The following LRBA variants were observed in gnomAD, a reference collection of about 807,000 sequenced individuals.
LRBA encodes lipopolysaccharide-responsive and beige-like anchor protein.
LRBA carries 176 observed loss-of-function variants against 330.0 expected under a neutral mutation model. The ratio of observed to expected loss-of-function variants is 0.53; its 90% CI spans 0.47 to 0.60. The LOEUF (loss-of-function observed/expected upper bound fraction) is 0.60. Ranked by LOEUF, LRBA falls within the 20% of genes least tolerant of loss-of-function variation. LRBA has a pLI of 0.00. For synonymous variants in LRBA, 1,230 were observed against 1,193.0 expected (o/e 1.03, Z -0.64); for missense variants, 3,259 against 3,444.8 (o/e 0.95, Z 1.35).
At chr4:150,848,754 A>T in intron 26 of LRBA, 64 bp downstream of exon 26, 1 of 1,225,744 alleles carries the variant, frequency 8.2e-7, no homozygotes, top group South Asian at 1.5e-5. Context: ...ATAATTTTCA[A>T]TGTCATCTCT....
At chr4:150,268,660 T>C (rs1191613443) in intron 56 of LRBA, among the ~76,000 whole-genome samples, 2 of 152,184 alleles carry the variant, frequency 1.3e-5, no homozygotes, top group South Asian at 2.1e-4. Context: ...CAAGCCCACA[T>C]GATCATCTCA....
chr4:150,881,861 C>T (rs1402156073), intron 17 of LRBA, among the ~76,000 whole-genome samples: 27 of 152,040 alleles, frequency 1.8e-4, no homozygotes, highest in Non-Finnish European at 3.2e-4. Flanking sequence ...CCGAGGTGGG[C>T]GGATCACCTG....
chr4:150,587,457 C>T (rs1021264257), intron 40 of LRBA, among the ~76,000 whole-genome samples: 15 of 151,980 alleles, frequency 9.9e-5, no homozygotes, highest in Admixed American at 7.2e-4. Flanking sequence ...ACAAATGTTT[C>T]TTAGTAAAAA....
intron 35 of LRBA, among the ~76,000 whole-genome samples, chr4:150,738,827 G>A (rs1731562921): frequency 6.6e-6 from 1 of 150,442 alleles, no homozygotes; most frequent in Admixed American, 6.6e-5. Flanking sequence ...AAAAAATTAA[G>A]CAACAAATAC....
At chr4:150,487,212 T>C (rs1394492840) in intron 42 of LRBA, among the ~76,000 whole-genome samples, 2 of 151,352 alleles carry the variant, frequency 1.3e-5, no homozygotes, top group Admixed American at 1.3e-4. Context: ...ACCATTATGA[T>C]ATATATCGTG....
At chr4:150,515,406 G>A (rs534140906) in intron 40 of LRBA, among the ~76,000 whole-genome samples, 3 of 152,160 alleles carry the variant, frequency 2.0e-5, no homozygotes, top group African/African-American at 4.8e-5. Context: ...AAAATATTAC[G>A]TAAAATAAAG....
chr4:150,920,848 CAGGT>C (rs1453828156), intron 5 of LRBA, among the ~76,000 whole-genome samples: 1 of 151,464 alleles, frequency 6.6e-6, no homozygotes, highest in Non-Finnish European at 1.5e-5. Flanking sequence ...AAAAAAAAGA[CAGGT>C]AGAGTAATGA....
intron 36 of LRBA, among the ~76,000 whole-genome samples, chr4:150,695,810 C>G (rs895874027): frequency 3.9e-5 from 6 of 152,210 alleles, no homozygotes; most frequent in Admixed American, 1.3e-4. Flanking sequence ...ATCCTATCAT[C>G]TTTTAACTCT....
chr4:150,708,475 T>C (rs1170423287), intron 36 of LRBA, among the ~76,000 whole-genome samples: 1 of 151,820 alleles, frequency 6.6e-6, no homozygotes, highest in East Asian at 1.9e-4. Context: ...TGAAATGGTT[T>C]CCATGACTTA....
chr4:150,965,124 A>G (rs1038322072), intron 2 of LRBA, among the ~76,000 whole-genome samples: 5 of 152,324 alleles, frequency 3.3e-5, no homozygotes, highest in Admixed American at 3.3e-4. Context: ...CAGCAATTAT[A>G]TCTCTAAGAA....
chr4:150,447,955 G>T (rs11733926), intron 44 of LRBA, among the ~76,000 whole-genome samples: 55,683 of 151,998 alleles, frequency 0.37, 11,316 homozygotes, highest in Non-Finnish European at 0.47. Flanking sequence ...AACACGTGGA[G>T]GTCAAAGAAT....
intron 2 of LRBA, among the ~76,000 whole-genome samples, chr4:150,944,907 T>C (rs982013179): frequency 2.6e-5 from 4 of 152,186 alleles, no homozygotes; most frequent in Non-Finnish European, 5.9e-5. Flanking sequence ...CAAGATCTGA[T>C]GGTTTTATAA....
At chr4:150,548,023 A>G (rs893456237) in intron 40 of LRBA, among the ~76,000 whole-genome samples, 1 of 152,162 alleles carries the variant, frequency 6.6e-6, no homozygotes, top group African/African-American at 2.4e-5. Flanking sequence ...CTCTACATAC[A>G]TATTTTCCCT....
chr4:150,338,853 G>C (rs933311031), intron 48 of LRBA, among the ~76,000 whole-genome samples: 9 of 152,082 alleles, frequency 5.9e-5, no homozygotes, highest in African/African-American at 2.2e-4. Context: ...TTGAGGATGA[G>C]AGCTTTCTAG....
rs561616356 is a variant in LRBA at position 150,606,606 on chromosome 4, C to T, written c.5922-7475G>A. On this transcript the variant is annotated intron_variant, in intron 37 of 56. Coordinates refer to ENST00000651943, the MANE Select transcript of LRBA (RefSeq NM_001364905.1). Reference sequence around the variant, plus strand: ...CACTGTTCTCTGTTATATACAGTACCGCCAAGCCTCAACAACCCTGCCATG... The same window carrying T: ...CACTGTTCTCTGTTATATACAGTACTGCCAAGCCTCAACAACCCTGCCATG... Among the ~76,000 whole-genome samples the T allele has an allele frequency of 5.9e-5, 9 of 152,228 alleles. No homozygotes were observed. In the South Asian group the frequency reaches 1.0e-3, roughly 18 times the overall value.
intron 35 of LRBA, among the ~76,000 whole-genome samples, chr4:150,741,574 T>C (rs1357260297): frequency 6.6e-6 from 1 of 152,176 alleles, no homozygotes; most frequent in Non-Finnish European, 1.5e-5. Context: ...AAAATGTTCA[T>C]GGCAATTATT....
At chr4:150,604,797 C>A (rs1278963420) in intron 37 of LRBA, among the ~76,000 whole-genome samples, 1 of 152,090 alleles carries the variant, frequency 6.6e-6, no homozygotes, top group Non-Finnish European at 1.5e-5. Context: ...CCTTTACCCA[C>A]ACATCCCCCA....
At chr4:150,620,673 T>C (rs1353133019) in intron 37 of LRBA, among the ~76,000 whole-genome samples, 1 of 152,192 alleles carries the variant, frequency 6.6e-6, no homozygotes, top group Admixed American at 6.5e-5. Context: ...GATGGAGGTG[T>C]AGGCCATTAT....
chr4:150,698,374 G>T (rs1348146296), intron 36 of LRBA, among the ~76,000 whole-genome samples: 4 of 152,036 alleles, frequency 2.6e-5, no homozygotes, highest in Admixed American at 2.0e-4. Context: ...ATCTATGAGG[G>T]ATATATTCAG....
Sources: allele counts gnomAD v4.1 joint callset (sites outside exome capture counted in the v4.1 genomes callset), GRCh38; gene constraint gnomAD v4.1.1; transcripts MANE v1.5; gene names NCBI Gene and HGNC (gene_info 2026-07-23, HGNC 2026-07-21).